DAPP1: variants seen among roughly 807,000 people sequenced by gnomAD.
The protein encoded by DAPP1 is dual adaptor of phosphotyrosine and 3-phosphoinositides 1.
A neutral mutation model predicts 41.5 loss-of-function variants in DAPP1; 20 were observed. The ratio of observed to expected loss-of-function variants is 0.48; its 90% confidence interval spans 0.34 to 0.70. The LOEUF is 0.70. Among genes scored for constraint, DAPP1 ranks in the 30% least tolerant of loss-of-function variants. The probability of loss-of-function intolerance (pLI) is 0.01; values close to 1 mark genes in which losing one functional copy is unlikely to be tolerated. For synonymous variants in DAPP1, 113 were observed against 116.2 expected, an observed-to-expected ratio of 0.97 and a Z score of 0.18; for missense variants, 233 against 333.4, an observed-to-expected ratio of 0.70 and a Z score of 2.35.
intron 1 of DAPP1, among the ~76,000 whole-genome samples, chr4:99,834,826 G>A (rs1252511545): frequency 6.6e-6 from 1 of 152,136 alleles, no homozygotes; most frequent in African/African-American, 2.4e-5. Context: ...CGGAAATCAA[G>A]GTGTCAACAG....
intron 3 of DAPP1, among the ~76,000 whole-genome samples, chr4:99,849,612 A>G (rs1410511708): frequency 6.6e-5 from 10 of 152,094 alleles, no homozygotes; most frequent in Admixed American, 5.2e-4. Flanking sequence ...CCCGGTGGCT[A>G]TTTCTCCTCC....
intron 1 of DAPP1, among the ~76,000 whole-genome samples, chr4:99,828,235 C>T (rs771720231): frequency 1.9e-4 from 29 of 152,196 alleles, no homozygotes; most frequent in Non-Finnish European, 3.4e-4. Flanking sequence ...GTGGTTTAAA[C>T]ATCAGGTACA....
chr4:99,833,032 A>G (rs1011091591), intron 1 of DAPP1, among the ~76,000 whole-genome samples: 9 of 152,268 alleles, frequency 5.9e-5, no homozygotes, highest in African/African-American at 2.2e-4. Context: ...TAAATAAACA[A>G]TCTGCTGGCT....
At chr4:99,849,834 C>T (rs1181263320) in intron 3 of DAPP1, among the ~76,000 whole-genome samples, 1 of 151,978 alleles carries the variant, frequency 6.6e-6, no homozygotes, top group East Asian at 1.9e-4. Flanking sequence ...TAGTAGGGAG[C>T]CAGAAGGGAG....
intron 1 of DAPP1, among the ~76,000 whole-genome samples, chr4:99,817,470 G>C (rs1722627070): frequency 6.6e-6 from 1 of 152,186 alleles, no homozygotes. Context: ...TTTTTCAAAA[G>C]ACAGAGAATG....
chr4:99,863,111 A>G (rs574979412), intron 6 of DAPP1, 39 bp downstream of exon 6: 13 of 1,356,906 alleles, frequency 9.6e-6, no homozygotes, highest in East Asian at 7.8e-5. Context: ...TTAAAAATCA[A>G]TTCTCTAGAT....
intron 3 of DAPP1, among the ~76,000 whole-genome samples, chr4:99,851,697 C>G (rs578008361): frequency 6.6e-6 from 1 of 151,536 alleles, no homozygotes; most frequent in Non-Finnish European, 1.5e-5. Flanking sequence ...CCTGCCACCA[C>G]GCTCGGCTAA....
chr4:99,857,352 A>C (rs1724079869), intron 4 of DAPP1, among the ~76,000 whole-genome samples: 1 of 152,176 alleles, frequency 6.6e-6, no homozygotes, highest in African/African-American at 2.4e-5. Flanking sequence ...TGGACATGTT[A>C]AATGAGAAAT....
intron 3 of DAPP1, among the ~76,000 whole-genome samples, chr4:99,851,634 G>A (rs894273296): frequency 1.4e-5 from 2 of 139,428 alleles, no homozygotes; most frequent in African/African-American, 5.4e-5. Context: ...CCCGCCTCCC[G>A]GGTTCAAGCA....
chr4:99,865,346 A>G (rs1724387358), intron 7 of DAPP1: 1 of 152,368 alleles, frequency 6.6e-6, no homozygotes, highest in South Asian at 2.1e-4. Flanking sequence ...TTAACTAGGT[A>G]ATCAGACACA....
chr4:99,854,602 G>T (rs1037239427), intron 4 of DAPP1, among the ~76,000 whole-genome samples: 1 of 151,840 alleles, frequency 6.6e-6, no homozygotes, highest in Non-Finnish European at 1.5e-5. Flanking sequence ...TTGCCTCTCT[G>T]TCTTCATCTC....
intron 1 of DAPP1, among the ~76,000 whole-genome samples, chr4:99,823,232 T>A (rs1194282761): frequency 6.6e-6 from 1 of 152,136 alleles, no homozygotes; most frequent in Non-Finnish European, 1.5e-5. Context: ...ACCTGAAATA[T>A]GGGTATTATT....
downstream of DAPP1, among the ~76,000 whole-genome samples, chr4:99,870,888 T>C (rs1724613764): frequency 6.6e-6 from 1 of 152,158 alleles, no homozygotes. Flanking sequence ...TTAGGATTGT[T>C]CAACTTCACA....
At chr4:99,833,823 C>T (rs56271274) in intron 1 of DAPP1, among the ~76,000 whole-genome samples, 2,417 of 152,318 alleles carry the variant, frequency 0.016, 36 homozygotes, top group Middle Eastern at 0.027. Flanking sequence ...TTGAAAGTTA[C>T]GGCTTTTTGG....
intron 3 of DAPP1, among the ~76,000 whole-genome samples, chr4:99,848,410 T>A (rs1723743816): frequency 6.6e-6 from 1 of 151,558 alleles, no homozygotes; most frequent in South Asian, 2.1e-4. Flanking sequence ...GTATTTTTTT[T>A]AGTAAAGACG....
chr4:99,830,554 C>T (rs1723087624), intron 1 of DAPP1, among the ~76,000 whole-genome samples: 1 of 152,142 alleles, frequency 6.6e-6, no homozygotes, highest in Admixed American at 6.6e-5. Context: ...ATATCCTCCA[C>T]CTTCATCTCT....
chr4:99,858,663 AT>A (rs1724130218), intron 4 of DAPP1, among the ~76,000 whole-genome samples: 1 of 152,222 alleles, frequency 6.6e-6, no homozygotes, highest in Non-Finnish European at 1.5e-5. Context: ...CATTACTATG[AT>A]TGTTACCAAA....
rs980823262 is a variant in DAPP1 at position 99,869,715 on chromosome 4, A to C, written c.*1530A>C. On this transcript the variant is annotated 3_prime_UTR_variant, in exon 9 of 9. Transcript: ENST00000512369. ...TAGGCCAAGACAAGCAGATCACTTGAGGTCAGGAGTTCAACATCAGCCTGG... is the reference window on the plus strand; with the variant it reads ...TAGGCCAAGACAAGCAGATCACTTGCGGTCAGGAGTTCAACATCAGCCTGG... 1.3e-5 allele frequency: 2 copies of C among 152,200 alleles called. No homozygotes were observed. The highest frequency in any genetic ancestry group is 2.9e-5 in the Non-Finnish European group (2 of 68,038). 9.4% of individuals were successfully genotyped at this position (152,200 alleles called of 1,614,324 possible). A position where few individuals can be genotyped will look rare whatever the true frequency, so the allele number is the denominator to read the frequency against.
chr4:99,856,107 T>C lies in DAPP1; in HGVS notation c.489+2759T>C, dbSNP rs117072657. Among the ~76,000 whole-genome samples, 246 of 152,188 alleles carry C rather than the reference T, an allele frequency of 1.6e-3. 2 individuals carry two copies. In the East Asian group the frequency reaches 0.04, roughly 25 times the overall value. ...ATTTATTAAACAAACTTTTTTTTTTTAAAGTGCTTCCAATACACTCAGAAC... is the reference window on the plus strand; with the variant it reads ...ATTTATTAAACAAACTTTTTTTTTTCAAAGTGCTTCCAATACACTCAGAAC... On this transcript the variant is annotated intron_variant, in intron 4 of 8. Coordinates refer to ENST00000512369, the MANE Select transcript of DAPP1 (RefSeq NM_014395.3).
Sources: allele counts gnomAD v4.1 joint callset (sites outside exome capture counted in the v4.1 genomes callset), GRCh38; gene constraint gnomAD v4.1.1; transcripts MANE v1.5; gene names NCBI Gene and HGNC (gene_info 2026-07-23, HGNC 2026-07-21).